The following NTN1 variants were observed in gnomAD, a reference collection of about 807,000 sequenced individuals.
NTN1 encodes the protein netrin 1.
In NTN1, 11 loss-of-function variants were observed where a neutral mutation model predicts 54.2. The ratio of observed to expected loss-of-function variants is 0.20; its 90% CI spans 0.13 to 0.34. The LOEUF (loss-of-function observed/expected upper bound fraction) is 0.34. NTN1 is among the 10% of genes least tolerant of loss of function. The pLI is 1.00. For missense variants in NTN1, 740 were observed against 893.1 expected (o/e 0.83, Z 2.18); for synonymous variants, 371 against 382.0 (o/e 0.97, Z 0.33).
chr17:9,110,281 T>TC (rs1157131873), intron 2 of NTN1, among the ~76,000 whole-genome samples: 1 of 151,020 alleles, frequency 6.6e-6, no homozygotes, highest in Non-Finnish European at 1.5e-5. Flanking sequence ...CTTTTTTTTT[T>TC]CTTTTTGAGA....
At chr17:9,223,522 A>G (rs551954598) in intron 6 of NTN1, among the ~76,000 whole-genome samples, 87 of 151,722 alleles carry the variant, frequency 5.7e-4, no homozygotes, top group African/African-American at 2.0e-3. Flanking sequence ...ACTGCACTCC[A>G]GACTGGCCTG....
upstream of NTN1, among the ~76,000 whole-genome samples, chr17:9,019,290 TGTC>T (rs2091838372): frequency 6.6e-6 from 1 of 152,252 alleles, no homozygotes; most frequent in African/African-American, 2.4e-5. Context: ...TTAACTGTGT[TGTC>T]TTTTTATGCA....
chr17:9,038,265 C>CACACGCACACACACACACACACACA, intron 2 of NTN1, among the ~76,000 whole-genome samples: 1 of 144,178 alleles, frequency 6.9e-6, no homozygotes, highest in South Asian at 2.2e-4. Flanking sequence ...TTCTCTCTCT[C>CACACGCACACACACACACACACACA]CACACACACA....
intron 2 of NTN1, among the ~76,000 whole-genome samples, chr17:9,082,314 G>A (rs2142225212): frequency 6.6e-6 from 1 of 152,328 alleles, no homozygotes; most frequent in Non-Finnish European, 1.5e-5. Flanking sequence ...TCCCGCCTCA[G>A]CCTCCCAAAG....
chr17:9,197,318 GAC>G (rs1481550683), intron 5 of NTN1, among the ~76,000 whole-genome samples: 1 of 152,002 alleles, frequency 6.6e-6, no homozygotes, highest in Non-Finnish European at 1.5e-5. Context: ...GCTATGGAGT[GAC>G]ACAGAGGCTT....
At position 9,023,266 on chromosome 17, in the gene NTN1, G is replaced by T. The variant is rs866085911; in HGVS notation, c.893G>T (p.Arg298Leu). ...CACGCGGCCCGCTGCGTGCGCGACC[G>T]CGACGACAGCCTGGTGTGCGACTGC... is the stretch of plus-strand genomic sequence containing the variant. Reference protein sequence around the residue: ...NGHAARCVRDRDDSLVCDCRH... With the variant: ...NGHAARCVRDLDDSLVCDCRH... The change falls in exon 2 of 7, where the codon CGC becomes CTC. Residue 298 changes from arginine to leucine, a missense_variant. By Grantham distance (102) the Arg-to-Leu change is moderately radical. Transcript: ENST00000173229. 1 of 1,560,704 alleles carries T rather than the reference G, an allele frequency of 6.4e-7. No homozygotes were observed. The highest frequency in any genetic ancestry group is 1.2e-5 in the South Asian group (1 of 86,010).
chr17:9,123,377 G>GAA lies in NTN1; in HGVS notation c.1019-39434_1019-39433dup, dbSNP rs1188911597. Among the ~76,000 whole-genome samples, 4 of 152,312 alleles carry GAA rather than the reference G, an allele frequency of 2.6e-5. No individual in the cohort carries two copies. The East Asian group carries it at 7.7e-4, about 29-fold the overall frequency. Reference sequence around the variant, plus strand: ...CCAAAAAGATGAACTCCTTACATATGAAAGATAGTAACTTTCCGTCCATCT... The same window carrying GAA: ...CCAAAAAGATGAACTCCTTACATATGAAAAAGATAGTAACTTTCCGTCCATCT... On this transcript the variant is annotated intron_variant, in intron 2 of 6. Coordinates refer to ENST00000173229, the MANE Select transcript of NTN1 (RefSeq NM_004822.3).
chr17:9,151,737 C>T (rs1433530016), intron 2 of NTN1, among the ~76,000 whole-genome samples: 2 of 152,132 alleles, frequency 1.3e-5, no homozygotes, highest in Non-Finnish European at 2.9e-5. Flanking sequence ...ACGGAGGGTC[C>T]CTGTGGAGAG....
chr17:9,195,374 G>T (rs114177086), intron 5 of NTN1, among the ~76,000 whole-genome samples: 1 of 152,224 alleles, frequency 6.6e-6, no homozygotes, highest in Non-Finnish European at 1.5e-5. Flanking sequence ...AAGTGGGGGC[G>T]GAATATTTAG....
At chr17:9,106,389 C>T (rs952912625) in intron 2 of NTN1, among the ~76,000 whole-genome samples, 5 of 152,322 alleles carry the variant, frequency 3.3e-5, no homozygotes, top group South Asian at 4.1e-4. Flanking sequence ...GCACACGGAA[C>T]GGAATATCCT....
chr17:9,099,340 G>A (rs1345915229), intron 2 of NTN1, among the ~76,000 whole-genome samples: 2 of 152,194 alleles, frequency 1.3e-5, no homozygotes. Context: ...GGGAGACGGA[G>A]GTTGCAGTGA....
chr17:9,228,660 A>G (rs1905680411), intron 6 of NTN1, among the ~76,000 whole-genome samples: 1 of 152,224 alleles, frequency 6.6e-6, no homozygotes, highest in South Asian at 2.1e-4. Flanking sequence ...CCTTTTGTTG[A>G]AAGACATTTT....
In NTN1 at chr17:9,165,476, A is replaced by G. The variant is rs1254980392; in HGVS notation, c.1207+2475A>G. On this transcript the variant is annotated intron_variant, in intron 3 of 6. Transcript: ENST00000173229. This position sits in a 1 kb window ranked among gnomAD's most constrained non-coding sequence, Gnocchi z 4.5. ...GATGTGTTCTTGTTTTACGAGTTAC[A>G]ACATTGTGGCCAGCCTAGGTGGCTG... is the stretch of plus-strand genomic sequence containing the variant. 6.6e-6 allele frequency among the ~76,000 whole-genome samples: 1 copy of G among 152,212 alleles called. No individual in the cohort carries two copies. Among genetic ancestry groups the G allele is most frequent in the African/African-American group, 2.4e-5 (1 of 41,458 alleles).
At chr17:9,122,093 A>G (rs1278294116) in intron 2 of NTN1, among the ~76,000 whole-genome samples, 2 of 148,624 alleles carry the variant, frequency 1.3e-5, no homozygotes, top group Admixed American at 1.4e-4. Flanking sequence ...GCTGGAGTGC[A>G]GTGGCGCAAT....
intron 2 of NTN1, among the ~76,000 whole-genome samples, chr17:9,045,751 C>G (rs150944452): frequency 6.6e-6 from 1 of 152,106 alleles, no homozygotes; most frequent in Non-Finnish European, 1.5e-5. Context: ...AGAAGATCAA[C>G]CCAAGCCAAA....
chr17:9,185,415 C>T (rs780257895), intron 5 of NTN1, among the ~76,000 whole-genome samples: 1 of 152,308 alleles, frequency 6.6e-6, no homozygotes, highest in Non-Finnish European at 1.5e-5. Context: ...CTTTTGCCTG[C>T]GTACCAGAGG....
intron 5 of NTN1, among the ~76,000 whole-genome samples, chr17:9,186,255 A>G (rs186709086): frequency 7.9e-5 from 12 of 152,326 alleles, no homozygotes; most frequent in Admixed American, 7.8e-4. Flanking sequence ...GGAGAGGTGC[A>G]TGACTGGCCC....
At chr17:9,140,957 A>T (rs1285565274) in intron 2 of NTN1, among the ~76,000 whole-genome samples, 1 of 152,090 alleles carries the variant, frequency 6.6e-6, no homozygotes, top group Non-Finnish European at 1.5e-5. Flanking sequence ...GGGTCAGGGG[A>T]GTGGGCGGTG....
intron 5 of NTN1, among the ~76,000 whole-genome samples, chr17:9,197,413 C>T (rs913025380): frequency 7.9e-5 from 12 of 151,794 alleles, no homozygotes; most frequent in Admixed American, 4.6e-4. Flanking sequence ...AATCCCAGCA[C>T]TTTGGGAGGC....
Sources: allele counts gnomAD v4.1 joint callset (sites outside exome capture counted in the v4.1 genomes callset), GRCh38; gene constraint gnomAD v4.1.1; non-coding constraint Gnocchi (gnomAD v3.1); transcripts MANE v1.5; gene names NCBI Gene and HGNC (gene_info 2026-07-23, HGNC 2026-07-21).